The following CNTNAP5 variants were observed in gnomAD, a reference collection of about 807,000 sequenced individuals.
The protein encoded by CNTNAP5 is contactin-associated protein-like 5.
Under a neutral mutation model 150.2 loss-of-function variants are expected in CNTNAP5, and 72 were observed. The observed-to-expected ratio is 0.48, with a 90% CI of 0.40 to 0.58. The LOEUF (loss-of-function observed/expected upper bound fraction) is 0.58, where lower values mean the gene tolerates loss of function less well. Ranked by LOEUF, CNTNAP5 falls within the 20% of genes least tolerant of loss-of-function variation. The pLI is 0.00. For synonymous variants in CNTNAP5, 672 were observed against 619.8 expected, an observed-to-expected ratio of 1.08 and a Z score of -1.25; for missense variants, 1,636 against 1,626.2, an observed-to-expected ratio of 1.01 and a Z score of -0.10.
intron 10 of CNTNAP5, among the ~76,000 whole-genome samples, chr2:124,537,947 C>T (rs908583086): frequency 1.3e-5 from 2 of 152,104 alleles, no homozygotes; most frequent in Non-Finnish European, 2.9e-5. Flanking sequence ...TCATTTTGGC[C>T]CACCAGACGG....
Position 124,915,798 on chromosome 2 carries a change from A to G in CNTNAP5, c.*1510A>G, listed in dbSNP as rs576753977. Reference sequence around the variant, plus strand: ...AGATCTTAATGATTTTTCTGTGGCAATATGCATCATTCTTTGTCCTGGGCC... The same window carrying G: ...AGATCTTAATGATTTTTCTGTGGCAGTATGCATCATTCTTTGTCCTGGGCC... On this transcript the variant is annotated 3_prime_UTR_variant, in exon 24 of 24. Transcript: ENST00000682447. 6.6e-6 allele frequency among the ~76,000 whole-genome samples: 1 copy of G among 152,050 alleles called. No homozygotes were observed.
chr2:124,495,885 C>T (rs1401802332), intron 7 of CNTNAP5, among the ~76,000 whole-genome samples: 1 of 152,126 alleles, frequency 6.6e-6, no homozygotes, highest in Non-Finnish European at 1.5e-5. Context: ...TCTTACTTGT[C>T]CTACAAAGCT....
At chr2:124,451,285 A>G (rs1265869247) in intron 6 of CNTNAP5, among the ~76,000 whole-genome samples, 1 of 151,684 alleles carries the variant, frequency 6.6e-6, no homozygotes, top group Admixed American at 6.6e-5. Context: ...TTTAAAATAC[A>G]TAGATGTTTA....
At chr2:124,279,607 T>C (rs903540582) in intron 3 of CNTNAP5, among the ~76,000 whole-genome samples, 4 of 152,090 alleles carry the variant, frequency 2.6e-5, no homozygotes, top group Non-Finnish European at 2.9e-5. Context: ...TAAAGTTAGT[T>C]TTACTTATCA....
intron 10 of CNTNAP5, among the ~76,000 whole-genome samples, chr2:124,560,707 T>C (rs1373873334): frequency 1.1e-4 from 17 of 152,098 alleles, no homozygotes; most frequent in Admixed American, 6.5e-4. Context: ...ATCTAATATA[T>C]ATGAAAATAG....
intron 1 of CNTNAP5, among the ~76,000 whole-genome samples, chr2:124,058,904 C>T (rs1681928540): frequency 6.6e-6 from 1 of 152,152 alleles, no homozygotes; most frequent in South Asian, 2.1e-4. Flanking sequence ...TCCAATCTGC[C>T]AGGGATATTT....
At chr2:124,126,203 A>G (rs759929006) in intron 1 of CNTNAP5, among the ~76,000 whole-genome samples, 12 of 152,054 alleles carry the variant, frequency 7.9e-5, no homozygotes, top group East Asian at 1.9e-4. Flanking sequence ...GAAGAATCAA[A>G]TAGACGCAAT....
intron 1 of CNTNAP5, among the ~76,000 whole-genome samples, chr2:124,072,584 G>A (rs959100128): frequency 6.6e-6 from 1 of 151,456 alleles, no homozygotes; most frequent in Non-Finnish European, 1.5e-5. Flanking sequence ...ATGCCAGCAC[G>A]GAACAATCTG....
chr2:124,213,537 A>C (rs1268510995), intron 1 of CNTNAP5, among the ~76,000 whole-genome samples: 1 of 152,156 alleles, frequency 6.6e-6, no homozygotes, highest in Non-Finnish European at 1.5e-5. Context: ...CAAAAAAAGA[A>C]ATCTGTCCAG....
intron 13 of CNTNAP5, among the ~76,000 whole-genome samples, chr2:124,652,336 G>C (rs1200782673): frequency 6.6e-6 from 1 of 152,018 alleles, no homozygotes; most frequent in Non-Finnish European, 1.5e-5. Flanking sequence ...ACAGAGCCCA[G>C]GGGGGGAGAA....
intron 10 of CNTNAP5, among the ~76,000 whole-genome samples, chr2:124,559,559 T>A (rs1370531698): frequency 6.6e-6 from 1 of 152,218 alleles, no homozygotes; most frequent in African/African-American, 2.4e-5. Context: ...AGATGTTCAA[T>A]GTGTTTATCT....
intron 21 of CNTNAP5, among the ~76,000 whole-genome samples, chr2:124,887,867 C>T (rs959435433): frequency 1.3e-5 from 2 of 152,146 alleles, no homozygotes; most frequent in South Asian, 2.1e-4. Flanking sequence ...CCTGAAAAGC[C>T]AGGATTGTTT....
chr2:124,165,360 T>C (rs192088593), intron 1 of CNTNAP5, among the ~76,000 whole-genome samples: 1 of 152,312 alleles, frequency 6.6e-6, no homozygotes, highest in East Asian at 1.9e-4. Context: ...AAACCATGTG[T>C]GGAAGCACCT....
chr2:124,713,504 A>C (rs1679882198), intron 13 of CNTNAP5, among the ~76,000 whole-genome samples: 1 of 150,938 alleles, frequency 6.6e-6, no homozygotes, highest in African/African-American at 2.4e-5. Context: ...CAGCCTCCCT[A>C]GTAGTTGGGA....
chr2:124,171,149 G>A (rs17010972), intron 1 of CNTNAP5, among the ~76,000 whole-genome samples: 8,413 of 152,284 alleles, frequency 0.055, 440 homozygotes, highest in East Asian at 0.24. Flanking sequence ...TTACAGCAGC[G>A]ATATAAAATG....
At chr2:124,764,202 C>A in intron 16 of CNTNAP5, 55 bp downstream of exon 16, 1 of 1,453,162 alleles carries the variant, frequency 6.9e-7, no homozygotes, top group Non-Finnish European at 9.6e-7. Flanking sequence ...AAGTTTTAGT[C>A]TTGTTTTTGC....
chr2:124,513,395 C>A (rs1694637374), intron 8 of CNTNAP5, among the ~76,000 whole-genome samples: 1 of 152,224 alleles, frequency 6.6e-6, no homozygotes, highest in Non-Finnish European at 1.5e-5. Context: ...GGGACTTTAA[C>A]ATACGCATTT....
At chr2:124,619,393 G>A (rs149096696) in intron 12 of CNTNAP5, among the ~76,000 whole-genome samples, 6 of 152,252 alleles carry the variant, frequency 3.9e-5, no homozygotes, top group South Asian at 4.1e-4. Flanking sequence ...ATTGAAATCC[G>A]TGAACACCTG....
intron 10 of CNTNAP5, among the ~76,000 whole-genome samples, chr2:124,534,211 T>C (rs1695177862): frequency 2.0e-5 from 3 of 152,108 alleles, no homozygotes; most frequent in Admixed American, 2.0e-4. Flanking sequence ...AATGGGTTTG[T>C]TTTGGATAGG....
Sources: gnomAD v4.1 joint callset for allele counts (sites outside exome capture counted in the v4.1 genomes callset) on GRCh38, gnomAD v4.1.1 for gene constraint, MANE v1.5 for transcripts, NCBI Gene and HGNC (gene_info 2026-07-23, HGNC 2026-07-21) for gene names.